Variants in DGKB observed in about 807,000 individuals in gnomAD.
DGKB encodes the protein diacylglycerol kinase beta.
In DGKB, 67 loss-of-function variants were observed where a neutral mutation model predicts 114.3. The ratio of observed to expected loss-of-function variants is 0.59; its 90% CI spans 0.48 to 0.72. DGKB has a LOEUF of 0.72. DGKB is among the 30% of genes least tolerant of loss of function. The pLI is 0.00. For missense variants in DGKB, 907 were observed against 975.2 expected, an observed-to-expected ratio of 0.93 and a Z score of 0.93; for synonymous variants, 398 against 323.1, an observed-to-expected ratio of 1.23 and a Z score of -2.49.
chr7:14,719,492 C>T (rs962290338), intron 5 of DGKB, among the ~76,000 whole-genome samples: 3 of 141,284 alleles, frequency 2.1e-5, no homozygotes, highest in Non-Finnish European at 4.7e-5. Flanking sequence ...AGATAAACCG[C>T]AATTATCCCT....
chr7:14,616,338 G>C (rs186115520), intron 15 of DGKB, among the ~76,000 whole-genome samples: 2 of 151,126 alleles, frequency 1.3e-5, no homozygotes, highest in East Asian at 3.9e-4. Context: ...ACCTAAATGG[G>C]ATATGAGGTA....
chr7:14,835,830 G>C (rs1847080921), intron 2 of DGKB, among the ~76,000 whole-genome samples: 1 of 152,058 alleles, frequency 6.6e-6, no homozygotes, highest in African/African-American at 2.4e-5. Flanking sequence ...AATTATTCCT[G>C]TTTTGACCTT....
intron 4 of DGKB, among the ~76,000 whole-genome samples, chr7:14,740,838 C>T (rs1832481444): frequency 6.6e-6 from 1 of 152,058 alleles, no homozygotes; most frequent in Non-Finnish European, 1.5e-5. Flanking sequence ...GCATTGACAC[C>T]CATGGGTGGC....
chr7:14,623,258 C>T (rs1419999385), intron 14 of DGKB, among the ~76,000 whole-genome samples: 1 of 152,128 alleles, frequency 6.6e-6, no homozygotes, highest in Non-Finnish European at 1.5e-5. Context: ...TGCTTTAGTG[C>T]CACACATTTC....
chr7:14,550,181 C>G (rs1309032446), intron 20 of DGKB, among the ~76,000 whole-genome samples: 1 of 151,852 alleles, frequency 6.6e-6, no homozygotes, highest in Non-Finnish European at 1.5e-5. Flanking sequence ...TGAAAAAATC[C>G]TATTATATTC....
chr7:14,324,502 G>A (rs1808392061), intron 23 of DGKB, among the ~76,000 whole-genome samples: 1 of 150,422 alleles, frequency 6.6e-6, no homozygotes, highest in African/African-American at 2.4e-5. Context: ...CAGCAGCAAT[G>A]GAAACCGAAC....
chr7:14,958,645 T>G (rs1324811669), intron 1 of DGKB, among the ~76,000 whole-genome samples: 1 of 151,844 alleles, frequency 6.6e-6, no homozygotes, highest in Non-Finnish European at 1.5e-5. Flanking sequence ...TCAAGCCTTT[T>G]CAACTCTAGC....
chr7:14,516,934 T>C (rs1224532179), intron 20 of DGKB, among the ~76,000 whole-genome samples: 1 of 151,346 alleles, frequency 6.6e-6, no homozygotes, highest in African/African-American at 2.5e-5. Context: ...TATGAATTCT[T>C]CATGGAATTA....
intron 2 of DGKB, among the ~76,000 whole-genome samples, chr7:14,782,199 T>C (rs1839210841): frequency 6.6e-6 from 1 of 152,064 alleles, no homozygotes; most frequent in African/African-American, 2.4e-5. Context: ...CAATTTTTTG[T>C]ATTTTCAGTA....
chr7:14,461,292 C>A (rs569690165), intron 21 of DGKB, among the ~76,000 whole-genome samples: 1 of 147,796 alleles, frequency 6.8e-6, no homozygotes, highest in Non-Finnish European at 1.5e-5. Context: ...TACACAAAAA[C>A]CCTTCAAAAA....
chr7:14,688,097 ACT>A (rs534168282), intron 9 of DGKB, among the ~76,000 whole-genome samples: 172 of 152,060 alleles, frequency 1.1e-3, no homozygotes, highest in African/African-American at 4.1e-3. Flanking sequence ...TTATACTCCA[ACT>A]CTCTATTTTC....
intron 21 of DGKB, among the ~76,000 whole-genome samples, chr7:14,393,801 ACT>A (rs2128713748): frequency 6.6e-6 from 1 of 152,008 alleles, no homozygotes; most frequent in African/African-American, 2.4e-5. Flanking sequence ...TGAACGAGAA[ACT>A]CTGTGTCTAC....
intron 1 of DGKB, among the ~76,000 whole-genome samples, chr7:14,908,810 T>C (rs1012559766): frequency 3.3e-5 from 5 of 152,166 alleles, no homozygotes; most frequent in African/African-American, 4.8e-5. Flanking sequence ...AAAATGCATA[T>C]ACATATAGAC....
At chr7:14,529,429 T>C (rs995146720) in intron 20 of DGKB, among the ~76,000 whole-genome samples, 1 of 151,896 alleles carries the variant, frequency 6.6e-6, no homozygotes, top group Admixed American at 6.6e-5. Context: ...TTTTTCTTGG[T>C]AATATGATTA....
intron 21 of DGKB, among the ~76,000 whole-genome samples, chr7:14,420,483 G>A (rs1826482442): frequency 6.6e-6 from 1 of 151,834 alleles, no homozygotes; most frequent in African/African-American, 2.4e-5. Context: ...ATTTGGGTGG[G>A]GAGCAGTATC....
At chr7:14,722,357 T>A (rs949545345) in intron 5 of DGKB, among the ~76,000 whole-genome samples, 2 of 152,194 alleles carry the variant, frequency 1.3e-5, no homozygotes, top group African/African-American at 4.8e-5. Context: ...GACTGGCTAT[T>A]TAGACTGGCT....
At chr7:14,751,953 C>T (rs906368475) in intron 4 of DGKB, among the ~76,000 whole-genome samples, 1 of 152,106 alleles carries the variant, frequency 6.6e-6, no homozygotes, top group Non-Finnish European at 1.5e-5. Flanking sequence ...TAGTGGAACA[C>T]CTTTTATGTG....
At chr7:14,158,807 T>C (rs550168430) in intron 25 of DGKB, among the ~76,000 whole-genome samples, 9 of 152,294 alleles carry the variant, frequency 5.9e-5, no homozygotes, top group Admixed American at 3.9e-4. Context: ...GTTTCATCAT[T>C]TATTCAGTTG....
At chr7:14,540,004 T>G (rs1160034724) in intron 20 of DGKB, among the ~76,000 whole-genome samples, 1 of 152,058 alleles carries the variant, frequency 6.6e-6, no homozygotes, top group Non-Finnish European at 1.5e-5. Context: ...TTTTTCTCAT[T>G]TATATACTAC....
Sources: allele counts gnomAD v4.1 joint callset (sites outside exome capture counted in the v4.1 genomes callset), GRCh38; gene constraint gnomAD v4.1.1; transcripts MANE v1.5; gene names NCBI Gene and HGNC (gene_info 2026-07-23, HGNC 2026-07-21).